The following MUC13 variants were observed in gnomAD, a reference collection of about 807,000 sequenced individuals.
MUC13 encodes mucin 13, cell surface associated, also known as mucin-13.
A neutral mutation model predicts 48.3 loss-of-function variants in MUC13; 32 were observed. That is an observed-to-expected ratio of 0.66 (90% confidence interval 0.50 to 0.89). The LOEUF (loss-of-function observed/expected upper bound fraction) is 0.89, where lower values mean the gene tolerates loss of function less well. Among genes scored for constraint, MUC13 ranks in the 40% least tolerant of loss-of-function variants. MUC13 has a pLI of 0.00. For synonymous variants in MUC13, 199 were observed against 224.9 expected, an observed-to-expected ratio of 0.88 and a Z score of 1.03; for missense variants, 571 against 622.8, an observed-to-expected ratio of 0.92 and a Z score of 0.88.
At chr3:124,932,218 A>G (rs1328375916) in intron 1 of MUC13, among the ~76,000 whole-genome samples, 1 of 152,168 alleles carries the variant, frequency 6.6e-6, no homozygotes, top group Non-Finnish European at 1.5e-5. Flanking sequence ...GTGGGTCTGC[A>G]TTACTTGTAT....
chr3:124,911,686 G>C (rs1440794509), intron 9 of MUC13, among the ~76,000 whole-genome samples: 1 of 152,176 alleles, frequency 6.6e-6, no homozygotes, highest in East Asian at 1.9e-4. Flanking sequence ...ATAGCTCTGA[G>C]ACAAAAGGAT....
Position 124,925,937 on chromosome 3 carries a change from GA to G in MUC13, c.514+1594del, listed in dbSNP as rs542541160. The stretch of plus-strand genomic sequence containing the variant: ...GCTTCCATTAACAATTTTTTAAAGA[GA>G]AAAAAAATAGACTATATGGGATAAA... On this transcript the variant is annotated intron_variant, in intron 2 of 11. Coordinates refer to ENST00000616727, the MANE Select transcript of MUC13 (RefSeq NM_033049.4). Among the ~76,000 whole-genome samples the G allele has an allele frequency of 7.1e-3, 1,073 of 151,858 alleles. 20 individuals are homozygous for G. Among genetic ancestry groups the G allele is most frequent in the South Asian group, 0.037 (177 of 4,806 alleles).
intron 1 of MUC13, among the ~76,000 whole-genome samples, chr3:124,932,178 T>C (rs1013473700): frequency 8.5e-5 from 13 of 152,366 alleles, no homozygotes; most frequent in African/African-American, 3.1e-4. Context: ...TTTTATTTCA[T>C]ATACATCTGT....
At chr3:124,930,160 C>A (rs996959855) in intron 1 of MUC13, among the ~76,000 whole-genome samples, 5 of 152,204 alleles carry the variant, frequency 3.3e-5, no homozygotes, top group Non-Finnish European at 5.9e-5. Context: ...GTGCATAAAA[C>A]AAATTGGGAC....
intron 3 of MUC13, among the ~76,000 whole-genome samples, 166 bp from the exon 4 acceptor site, chr3:124,922,469 C>T (rs929678326): frequency 2.0e-5 from 3 of 152,066 alleles, no homozygotes; most frequent in Non-Finnish European, 4.4e-5. Context: ...CAACCTAGCA[C>T]AACCATTTTA....
chr3:124,910,493 T>A lies in MUC13; in HGVS notation c.1259A>T (p.Gln420Leu). ...YSGLDCKDKF[Q>L]LILTIVGTIA... ...GGTGCCCACAATAGTGAGGATCAGC[T>A]GAAATTCTGAAAGGAAGAAGAAAAT... is the stretch of plus-strand genomic sequence containing the variant. Residue 420 changes from glutamine to leucine, a missense_variant, in exon 10 of 12, where the codon CAG becomes CTG. Physicochemically the swap from Gln to Leu is moderately radical, Grantham distance 113. Coordinates refer to ENST00000616727, the MANE Select transcript of MUC13 (RefSeq NM_033049.4). The A allele has an allele frequency of 6.2e-7, 1 of 1,614,036 alleles. No individual in the cohort carries two copies. Among genetic ancestry groups the A allele is most frequent in the Non-Finnish European group, 8.5e-7 (1 of 1,179,934 alleles).
intron 11 of MUC13, 139 bp downstream of exon 11, chr3:124,908,002 ATCTCTC>A (rs143529974): frequency 4.0e-4 from 292 of 732,550 alleles, no homozygotes; most frequent in Middle Eastern, 1.2e-3. Context: ...TTCCTTTTTG[ATCTCTC>A]TCTCTCTCTC....
At chr3:124,922,020 C>T (rs1935603519) in intron 4 of MUC13, among the ~76,000 whole-genome samples, 177 bp downstream of exon 4, 1 of 152,198 alleles carries the variant, frequency 6.6e-6, no homozygotes, top group Non-Finnish European at 1.5e-5. Context: ...GAAGTGGTGG[C>T]ACCGGTGGAG....
chr3:124,928,469 C>T (rs1935734504), intron 1 of MUC13, among the ~76,000 whole-genome samples: 1 of 152,096 alleles, frequency 6.6e-6, no homozygotes, highest in South Asian at 2.1e-4. Flanking sequence ...GCCTTGAGCT[C>T]CTAGGCTCAA....
intron 8 of MUC13, 86 bp downstream of exon 8, chr3:124,913,025 C>T (rs1935450220): frequency 1.4e-6 from 2 of 1,453,290 alleles, no homozygotes; most frequent in Admixed American, 4.2e-5. Flanking sequence ...AGCTTCCTGA[C>T]TCAACACCTA....
chr3:124,923,054 T>C (rs1380422130), intron 3 of MUC13, among the ~76,000 whole-genome samples: 2 of 147,702 alleles, frequency 1.4e-5, no homozygotes, highest in African/African-American at 2.5e-5. Flanking sequence ...TCATTTCTTA[T>C]AGAATTGGCT....
chr3:124,926,111 T>C (rs992893204), intron 2 of MUC13, among the ~76,000 whole-genome samples: 13 of 152,210 alleles, frequency 8.5e-5, no homozygotes, highest in African/African-American at 1.4e-4. Context: ...TAAGGAAGAA[T>C]GTGTCTCCTT....
At chr3:124,921,190 C>T (rs1935588552) in intron 4 of MUC13, among the ~76,000 whole-genome samples, 1 of 151,766 alleles carries the variant, frequency 6.6e-6, no homozygotes, top group South Asian at 2.1e-4. Context: ...CACTCTGTTG[C>T]CCAGGCTGGA....
At chr3:124,922,061 G>T (rs1430512323) in intron 4 of MUC13, 136 bp downstream of exon 4, 1 of 1,051,234 alleles carries the variant, frequency 9.5e-7, no homozygotes, top group African/African-American at 1.6e-5. Flanking sequence ...TTACCGACCA[G>T]TAAAGGTACA....
At chr3:124,931,857 A>C (rs531164865) in intron 1 of MUC13, among the ~76,000 whole-genome samples, 1 of 152,084 alleles carries the variant, frequency 6.6e-6, no homozygotes, top group Non-Finnish European at 1.5e-5. Flanking sequence ...AGCCTGGCCA[A>C]TGTAGTGAAA....
chr3:124,924,132 C>A (rs1935650155), intron 2 of MUC13, among the ~76,000 whole-genome samples: 1 of 152,128 alleles, frequency 6.6e-6, no homozygotes, highest in Admixed American at 6.6e-5. Context: ...GTTAGGCATA[C>A]CTAGGAGACA....
rs755530101 is a variant in MUC13 at position 124,916,373 on chromosome 3, G to A, written c.908C>T (p.Thr303Ile). 1.2e-6 allele frequency: 2 copies of A among 1,613,454 alleles called. No individual in the cohort carries two copies. The highest frequency in any genetic ancestry group is 4.5e-5 in the East Asian group (2 of 44,866). Residue 303 changes from threonine (T) to isoleucine (I), a missense_variant, in exon 6 of 12, where the codon ACT (threonine) becomes ATT (isoleucine). By Grantham distance (89) the Thr-to-Ile change is moderately conservative. Transcript: ENST00000616727. Reference protein sequence around the residue: ...ETTSDNEKTVTEKINKAIRSS... With the variant: ...ETTSDNEKTVIEKINKAIRSS... ...TCTAATTGCTTTATTAATTTTCTCAGTCACAGTCTTCTCATTGTCACTTGT... is the reference window on the plus strand; with the variant it reads ...TCTAATTGCTTTATTAATTTTCTCAATCACAGTCTTCTCATTGTCACTTGT...
At chr3:124,918,014 A>G (rs997079031) in intron 5 of MUC13, among the ~76,000 whole-genome samples, 1 of 152,166 alleles carries the variant, frequency 6.6e-6, no homozygotes, top group Non-Finnish European at 1.5e-5. Context: ...ATAAATGACG[A>G]GGGCACTAGG....
At chr3:124,934,420 A>T (rs1331038428) in intron 1 of MUC13, among the ~76,000 whole-genome samples, 1 of 152,166 alleles carries the variant, frequency 6.6e-6, no homozygotes, top group Non-Finnish European at 1.5e-5. Flanking sequence ...TCGGCCTCCC[A>T]TATTGCTGAG....
Sources: allele counts gnomAD v4.1 joint callset (sites outside exome capture counted in the v4.1 genomes callset), GRCh38; gene constraint gnomAD v4.1.1; transcripts MANE v1.5; gene names NCBI Gene and HGNC (gene_info 2026-07-23, HGNC 2026-07-21).